SCN2A: variants seen among roughly 807,000 people sequenced by gnomAD.
The protein encoded by SCN2A is sodium voltage-gated channel alpha subunit 2.
A neutral mutation model predicts 188.7 loss-of-function variants in SCN2A; 20 were observed. The observed-to-expected ratio is 0.11, with a 90% CI of 0.07 to 0.15. SCN2A has a LOEUF of 0.15. SCN2A is among the 10% of genes least tolerant of loss of function. The pLI is 1.00. For synonymous variants in SCN2A, 804 were observed against 833.1 expected, an observed-to-expected ratio of 0.97 and a Z score of 0.60; for missense variants, 1,278 against 2,445.0, an observed-to-expected ratio of 0.52 and a Z score of 10.07.
chr2:165,312,720 A>G (rs1210273206), intron 8 of SCN2A, among the ~76,000 whole-genome samples: 1 of 152,136 alleles, frequency 6.6e-6, no homozygotes, highest in Non-Finnish European at 1.5e-5. Flanking sequence ...AATGTTTGCT[A>G]TTAAGAAACA....
At chr2:165,273,511 T>A (rs955330735) in intron 1 of SCN2A, 4 of 152,226 alleles carry the variant, frequency 2.6e-5, no homozygotes, top group African/African-American at 9.6e-5. Flanking sequence ...TAAATCTTAG[T>A]CATATCTTAC....
At chr2:165,254,738 TG>T (rs1232180099) in intron 1 of SCN2A, among the ~76,000 whole-genome samples, 2 of 151,852 alleles carry the variant, frequency 1.3e-5, no homozygotes, top group Non-Finnish European at 2.9e-5. Flanking sequence ...TAATTTTGTT[TG>T]CATACTTTTC....
intron 3 of SCN2A, among the ~76,000 whole-genome samples, chr2:165,297,731 C>A (rs1696586817): frequency 6.6e-6 from 1 of 151,972 alleles, no homozygotes; most frequent in South Asian, 2.1e-4. Context: ...CTTTCTTTTT[C>A]TTTTTATCAC....
intron 1 of SCN2A, among the ~76,000 whole-genome samples, chr2:165,292,881 G>T (rs1696293962): frequency 6.6e-6 from 1 of 152,176 alleles, no homozygotes. Flanking sequence ...AAATAATACA[G>T]GGCAAATGTC....
Position 165,367,361 on chromosome 2 carries a change from G to A in SCN2A, c.3665G>A (p.Ser1222Asn). The A allele has an allele frequency of 6.2e-7, 1 of 1,614,200 alleles. No homozygotes were observed. The highest frequency in any genetic ancestry group is 8.5e-7 in the Non-Finnish European group (1 of 1,180,028). ...ATTGTCTTCATGATTCTGCTGAGCA[G>A]TGGGGCTCTGGTAGGTGATGCATGA... ...TFIVFMILLS[S>N]GALAFEDIYI... The change falls in exon 19 of 27, where the codon AGT becomes AAT. Residue 1222 changes from serine to asparagine, a missense_variant. Ser to Asn is a conservative substitution (Grantham distance 46). This residue lies in a region of SCN2A where 228 missense variants were observed against 297.3 expected (regional missense o/e 0.77). Transcript: ENST00000375437.
At chr2:165,245,301 A>G (rs1226571711) in intron 1 of SCN2A, 2 of 152,096 alleles carry the variant, frequency 1.3e-5, no homozygotes, top group Non-Finnish European at 2.9e-5. Flanking sequence ...ATAGTGAGTG[A>G]GTTCTCACTC....
At chr2:165,388,501 G>T in intron 26 of SCN2A, 128 bp from the exon 27 acceptor site, 14 of 1,280,086 alleles carry the variant, frequency 1.1e-5, no homozygotes, top group Non-Finnish European at 1.5e-5. Flanking sequence ...AAACATTGCA[G>T]ATTATTTGCA....
intron 1 of SCN2A, among the ~76,000 whole-genome samples, chr2:165,244,740 A>T (rs1693771097): frequency 6.6e-6 from 1 of 152,174 alleles, no homozygotes; most frequent in African/African-American, 2.4e-5. Context: ...TGTTTAGATT[A>T]TTTTTATAGT....
At position 165,389,857 on chromosome 2, in the gene SCN2A, A is replaced by G; in HGVS notation, c.*33A>G. 2 of 1,563,456 alleles carry G rather than the reference A, an allele frequency of 1.3e-6. No homozygotes were observed. The highest frequency in any genetic ancestry group is 1.7e-6 in the Non-Finnish European group (2 of 1,155,676). ...CCAAGAATTTTCCATTTTGTGATCAATTGTTTACAGCCCGTGATGGTGATG... is the reference window on the plus strand; with the variant it reads ...CCAAGAATTTTCCATTTTGTGATCAGTTGTTTACAGCCCGTGATGGTGATG... On this transcript the variant is annotated 3_prime_UTR_variant, in exon 27 of 27. Coordinates refer to ENST00000375437, the MANE Select transcript of SCN2A (RefSeq NM_001040142.2). The surrounding 1 kb of genome is among the most constrained non-coding windows in gnomAD (Gnocchi z 4.2).
intron 13 of SCN2A, among the ~76,000 whole-genome samples, chr2:165,330,523 T>G (rs1296884834): frequency 6.6e-6 from 1 of 152,142 alleles, no homozygotes; most frequent in Non-Finnish European, 1.5e-5. Context: ...ACATTTTCCT[T>G]GAATAAATGC....
chr2:165,307,625 T>C (rs112114254), intron 3 of SCN2A, among the ~76,000 whole-genome samples: 13 of 152,212 alleles, frequency 8.5e-5, no homozygotes, highest in African/African-American at 2.6e-4. Context: ...TTGCTAAAGG[T>C]ACCTAAATAG....
At chr2:165,338,072 C>T (rs1310476507) in intron 14 of SCN2A, among the ~76,000 whole-genome samples, 2 of 152,096 alleles carry the variant, frequency 1.3e-5, no homozygotes. Flanking sequence ...TCCTTCCACC[C>T]TCCACCCTCA....
chr2:165,289,116 A>G (rs751677313), intron 1 of SCN2A, among the ~76,000 whole-genome samples: 7 of 152,006 alleles, frequency 4.6e-5, no homozygotes, highest in Non-Finnish European at 1.0e-4. Flanking sequence ...GTCCTCATCT[A>G]TGAAATTTAA....
At chr2:165,349,556 G>GTACTTA (rs10623333) in intron 16 of SCN2A, among the ~76,000 whole-genome samples, 38,258 of 151,944 alleles carry the variant, frequency 0.25, 5,062 homozygotes, top group East Asian at 0.39. Context: ...GAAATATCAA[G>GTACTTA]TACTTATGGT....
At chr2:165,334,158 C>G (rs565239522) in intron 14 of SCN2A, among the ~76,000 whole-genome samples, 1 of 151,428 alleles carries the variant, frequency 6.6e-6, no homozygotes, top group Non-Finnish European at 1.5e-5. Flanking sequence ...AAGCCTGAGC[C>G]CAGATAGTAT....
chr2:165,273,212 A>G (rs574594100), intron 1 of SCN2A: 1 of 152,172 alleles, frequency 6.6e-6, no homozygotes, highest in Non-Finnish European at 1.5e-5. Context: ...TAGTCTAGAT[A>G]GTGTTAATAT....
chr2:165,323,711 T>C (rs894502712), intron 12 of SCN2A, among the ~76,000 whole-genome samples: 4 of 152,194 alleles, frequency 2.6e-5, no homozygotes, highest in Non-Finnish European at 5.9e-5. Context: ...TCAGAGAATA[T>C]AATTAGAAGT....
At chr2:165,356,446 G>A (rs1038303664) in intron 17 of SCN2A, among the ~76,000 whole-genome samples, 2 of 152,184 alleles carry the variant, frequency 1.3e-5, no homozygotes, top group Non-Finnish European at 2.9e-5. Context: ...TCTTATAGAA[G>A]CTGAAGTCGG....
chr2:165,380,646 A>C lies in SCN2A; in HGVS notation c.4363A>C (p.Ile1455Leu). The C allele has an allele frequency of 6.3e-7, 1 of 1,587,158 alleles. No homozygotes were observed. Among genetic ancestry groups the C allele is most frequent in the Non-Finnish European group, 8.6e-7 (1 of 1,156,826 alleles). The change falls in exon 24 of 27, where the codon ATC (isoleucine) becomes CTC (leucine). Residue 1455 changes from isoleucine (I) to leucine (L), a missense_variant. This residue lies in a region of SCN2A where 97 missense variants were observed against 266.1 expected (regional missense o/e 0.36). Coordinates refer to ENST00000375437, the MANE Select transcript of SCN2A (RefSeq NM_001040142.2). ...DNLYMYLYFV[I>L]FIIFGSFFTL... The stretch of plus-strand genomic sequence containing the variant: ...CCTGTACATGTATCTTTATTTTGTC[A>C]TCTTTATTATTTTTGGTTCATTCTT...
Sources: gnomAD v4.1 joint callset for allele counts (sites outside exome capture counted in the v4.1 genomes callset) on GRCh38, gnomAD v4.1.1 for gene constraint, gnomAD v4.1.1 regional missense constraint, Gnocchi (gnomAD v3.1) non-coding constraint, MANE v1.5 for transcripts, NCBI Gene and HGNC (gene_info 2026-07-23, HGNC 2026-07-21) for gene names.